Variants in BBS12 observed in about 807,000 individuals in gnomAD.
BBS12 encodes the protein chaperonin-containing T-complex member BBS12.
BBS12 carries 5 observed loss-of-function variants against 5.6 expected under a neutral mutation model. The ratio of observed to expected loss-of-function variants is 0.89; its 90% CI spans 0.46 to 1.86. BBS12 has a LOEUF of 1.86. Among genes scored for constraint, BBS12 ranks in the 40% most tolerant of loss-of-function variants. BBS12 has a pLI of 0.01. For missense variants in BBS12, 748 were observed against 830.4 expected, an observed-to-expected ratio of 0.90 and a Z score of 1.22; for synonymous variants, 308 against 306.8, an observed-to-expected ratio of 1.00 and a Z score of -0.04.
At position 122,744,367 on chromosome 4, in the gene BBS12, T is replaced by A. The variant is rs952008877; in HGVS notation, c.*342T>A. The A allele has an allele frequency of 3.5e-6, 1 of 282,912 alleles. No individual in the cohort carries two copies. Among genetic ancestry groups the A allele is most frequent in the East Asian group, 1.1e-4 (1 of 9,486 alleles). 17.5% of individuals were successfully genotyped at this position (282,912 alleles called of 1,614,324 possible). ...CAGGAGGAACACAAAGGGCCCATGA[T>A]GAAAGCCTGCACACAGTGGGTTATG... On this transcript the variant is annotated 3_prime_UTR_variant, in exon 2 of 2. Coordinates refer to ENST00000314218, the MANE Select transcript of BBS12 (RefSeq NM_152618.3).
the BBS12 span, among the ~76,000 whole-genome samples, chr4:122,713,390 G>A: frequency 5.3e-5 from 8 of 152,086 alleles, no homozygotes; most frequent in East Asian, 1.9e-4. Context: ...TACTTGGGAC[G>A]CTGAAGCAGG....
rs1357690062 is a variant in BBS12, at chr4:122,743,286, T to C, written c.1394T>C (p.Val465Ala). 17 of 1,614,104 alleles carry C rather than the reference T, an allele frequency of 1.1e-5. No individual in the cohort carries two copies. Among genetic ancestry groups the C allele is most frequent in the Non-Finnish European group, 1.4e-5 (16 of 1,180,050 alleles). The change falls in exon 2 of 2, where the codon GTG becomes GCG. Residue 465 changes from valine to alanine, a missense_variant. By Grantham distance (64) the Val-to-Ala change is moderately conservative. Transcript: ENST00000314218. ...AYITQVNEDC[V>A]GDGVCVTFWR... ...ATTACACAAGTGAATGAAGATTGTG[T>C]GGGCGACGGGGTCTGCGTGACCTTC... is the stretch of plus-strand genomic sequence containing the variant.
At chr4:122,735,915 T>G (rs1800778033) in intron 1 of BBS12, among the ~76,000 whole-genome samples, 1 of 152,096 alleles carries the variant, frequency 6.6e-6, no homozygotes, top group African/African-American at 2.4e-5. Context: ...AAAAGAGGAT[T>G]TGTGGTATTC....
the BBS12 span, among the ~76,000 whole-genome samples, chr4:122,727,430 G>C: frequency 2.0e-5 from 3 of 151,572 alleles, no homozygotes; most frequent in Non-Finnish European, 4.4e-5. Flanking sequence ...ATTTTTAGTA[G>C]AGACAGGGTT....
chr4:122,708,359 AC>A, the BBS12 span, among the ~76,000 whole-genome samples: 2 of 152,076 alleles, frequency 1.3e-5, no homozygotes, highest in Admixed American at 1.3e-4. Flanking sequence ...TGAGAGAGCT[AC>A]CAGCTGTTAG....
At chr4:122,723,086 C>T in the BBS12 span, among the ~76,000 whole-genome samples, 1 of 152,238 alleles carries the variant, frequency 6.6e-6, no homozygotes, top group African/African-American at 2.4e-5. Context: ...AAAATTATTA[C>T]ATGATTCTTT....
Position 122,743,709 on chromosome 4 carries a change from C to G in BBS12, c.1817C>G (p.Thr606Ser), listed in dbSNP as rs772235638. The G allele has an allele frequency of 3.2e-5, 51 of 1,614,090 alleles. No homozygotes were observed. The highest frequency in any genetic ancestry group is 4.1e-5 in the Non-Finnish European group (48 of 1,180,044). The change falls in exon 2 of 2, where the codon ACT becomes AGT. Residue 606 changes from threonine to serine, a missense_variant. Thr to Ser is a moderately conservative substitution (Grantham distance 58, BLOSUM62 1). Transcript: ENST00000314218. ...TACCTTTCAACTCTCCTATATAACA[C>G]TGCCAATTACTCATCAGAATTTGAA... Reference protein sequence around the residue: ...QKYLSTLLYNTANYSSEFEAS... With the variant: ...QKYLSTLLYNSANYSSEFEAS...
the BBS12 span, among the ~76,000 whole-genome samples, chr4:122,707,090 A>G: frequency 2.6e-5 from 3 of 117,594 alleles, no homozygotes; most frequent in South Asian, 8.7e-4. Flanking sequence ...AGAGAGAGAG[A>G]TGGGGCCTTG....
In BBS12 at chr4:122,742,010, A is replaced by G; in HGVS notation, c.118A>G (p.Ile40Val). 6.2e-7 allele frequency: 1 copy of G among 1,613,572 alleles called. No individual in the cohort carries two copies. The highest frequency in any genetic ancestry group is 8.5e-7 in the Non-Finnish European group (1 of 1,179,574). The stretch of plus-strand genomic sequence containing the variant: ...CCCACTAAAATCATCCAAATTTATT[A>G]TAGATGAAGAATGTCATGAAAGTGT... ...LGPLKSSKFI[I>V]DEECHESVLI... Residue 40 changes from isoleucine (I) to valine (V), a missense_variant, in exon 2 of 2, where the codon ATA (isoleucine) becomes GTA (valine). Coordinates refer to ENST00000314218, the MANE Select transcript of BBS12 (RefSeq NM_152618.3).
Position 122,736,509 on chromosome 4 carries a change from A to G in BBS12, c.-11+3625A>G, listed in dbSNP as rs181593738. Among the ~76,000 whole-genome samples the G allele has an allele frequency of 3.6e-3, 528 of 147,212 alleles. 2 individuals are homozygous for G. The highest frequency in any genetic ancestry group is 0.013 in the African/African-American group (489 of 38,274). Reference sequence around the variant, plus strand: ...AGACAAAACTGGACATAATCTTTTGAAAAAAAAAACTTATTCTGATGTCAA... The same window carrying G: ...AGACAAAACTGGACATAATCTTTTGGAAAAAAAAACTTATTCTGATGTCAA... On this transcript the variant is annotated intron_variant, in intron 1 of 1. Transcript: ENST00000314218.
chr4:122,723,137 A>G, the BBS12 span, among the ~76,000 whole-genome samples: 1 of 152,148 alleles, frequency 6.6e-6, no homozygotes, highest in African/African-American at 2.4e-5. Flanking sequence ...CAAATTTCAA[A>G]TGCTGAACAA....
the BBS12 span, among the ~76,000 whole-genome samples, chr4:122,720,731 T>C: frequency 3.9e-5 from 6 of 152,068 alleles, no homozygotes; most frequent in Non-Finnish European, 8.8e-5. Context: ...ATACTGGCTC[T>C]AAAAATGTTC....
the BBS12 span, among the ~76,000 whole-genome samples, chr4:122,716,668 T>A: frequency 1.6e-5 from 1 of 63,242 alleles, no homozygotes; most frequent in Non-Finnish European, 3.0e-5. Flanking sequence ...CACATACACA[T>A]ATGTGTATAT....
At chr4:122,720,876 A>G in the BBS12 span, among the ~76,000 whole-genome samples, 1 of 134,490 alleles carries the variant, frequency 7.4e-6, no homozygotes, top group African/African-American at 3.1e-5. Flanking sequence ...AAGTCTTAAA[A>G]TCACTCAGAA....
At chr4:122,719,229 A>G in the BBS12 span, among the ~76,000 whole-genome samples, 1 of 152,082 alleles carries the variant, frequency 6.6e-6, no homozygotes, top group Non-Finnish European at 1.5e-5. Flanking sequence ...AAACGCACCA[A>G]TCAGTGCTCT....
At chr4:122,715,983 T>A in the BBS12 span, among the ~76,000 whole-genome samples, 1 of 152,214 alleles carries the variant, frequency 6.6e-6, no homozygotes, top group African/African-American at 2.4e-5. Flanking sequence ...CGGGTATAAT[T>A]GGGGTTAGAC....
the BBS12 span, among the ~76,000 whole-genome samples, chr4:122,724,567 T>C: frequency 6.6e-6 from 1 of 152,210 alleles, no homozygotes; most frequent in African/African-American, 2.4e-5. Flanking sequence ...AAAATAGTTA[T>C]AATTTTCCCT....
rs1560708457 is a variant in BBS12, at chr4:122,743,469, T to C, written c.1577T>C (p.Leu526Ser). Residue 526 changes from leucine to serine, a missense_variant, in exon 2 of 2, where the codon TTG becomes TCG. Leu to Ser is a moderately radical substitution (Grantham distance 145). Coordinates refer to ENST00000314218, the MANE Select transcript of BBS12 (RefSeq NM_152618.3). ...EDRFWTCAYR[L>S]YYALKEEKVF... ...AGGTTCTGGACATGTGCCTATCGTT[T>C]GTATTATGCTCTAAAAGAGGAAAAG... The C allele has an allele frequency of 6.2e-7, 1 of 1,614,276 alleles. No individual in the cohort carries two copies. Among genetic ancestry groups the C allele is most frequent in the Non-Finnish European group, 8.5e-7 (1 of 1,180,048 alleles).
Position 122,744,649 on chromosome 4 carries a change from C to T in BBS12, c.*624C>T, listed in dbSNP as rs1800959841. The T allele has an allele frequency of 6.0e-6, 1 of 167,422 alleles. No homozygotes were observed. The highest frequency in any genetic ancestry group is 1.5e-5 in the Non-Finnish European group (1 of 68,396). The allele number at this position is 167,422 out of a possible 1,614,324, so 10.4% of individuals were successfully genotyped here. A position where few individuals can be genotyped will look rare whatever the true frequency, so the allele number is the denominator to read the frequency against. ...GTTCTTGGCCAAACTTGAATTTTCA[C>T]ATGAGTATGCCACTCTATCAGCTAC... On this transcript the variant is annotated 3_prime_UTR_variant, in exon 2 of 2. Coordinates refer to ENST00000314218, the MANE Select transcript of BBS12 (RefSeq NM_152618.3).
Sources: gnomAD v4.1 joint callset for allele counts (sites outside exome capture counted in the v4.1 genomes callset) on GRCh38, gnomAD v4.1.1 for gene constraint, MANE v1.5 for transcripts, NCBI Gene and HGNC (gene_info 2026-07-23, HGNC 2026-07-21) for gene names.